Variants in CFAP58 observed in about 807,000 individuals in gnomAD.
CFAP58 encodes the protein cilia- and flagella-associated protein 58.
CFAP58 carries 88 observed loss-of-function variants against 119.5 expected under a neutral mutation model. That is an observed-to-expected ratio of 0.74 (90% CI 0.62 to 0.88). CFAP58 has a LOEUF of 0.88. Ranked by LOEUF, CFAP58 falls within the 40% of genes least tolerant of loss-of-function variation. The pLI is 0.00. For synonymous variants in CFAP58, 365 were observed against 366.3 expected (o/e 1.00, Z 0.04); for missense variants, 990 against 1,021.2 (o/e 0.97, Z 0.42).
chr10:104,367,879 C>T (rs1185784928), intron 5 of CFAP58, among the ~76,000 whole-genome samples: 1 of 152,196 alleles, frequency 6.6e-6, no homozygotes, highest in Non-Finnish European at 1.5e-5. Flanking sequence ...GCTGACACTG[C>T]ACTCAAGCAG....
intron 8 of CFAP58, among the ~76,000 whole-genome samples, chr10:104,379,210 T>C (rs2011732105): frequency 6.6e-6 from 1 of 152,090 alleles, no homozygotes; most frequent in Admixed American, 6.5e-5. Context: ...CGAATCTTCT[T>C]TCAGTTTTTA....
chr10:104,358,720 A>T, intron 2 of CFAP58, 98 bp downstream of exon 2: 1 of 1,064,488 alleles, frequency 9.4e-7, no homozygotes, highest in South Asian at 1.8e-5. Flanking sequence ...GTTATTAGGT[A>T]AAAATTTACA....
chr10:104,439,610 TAGG>T lies in CFAP58; in HGVS notation c.2257-8083_2257-8081del, dbSNP rs2013001257. Among the ~76,000 whole-genome samples the T allele has an allele frequency of 3.3e-5, 5 of 152,146 alleles. No homozygotes were observed. In the South Asian group the frequency reaches 1.0e-3, roughly 32 times the overall value. On this transcript the variant is annotated intron_variant, in intron 15 of 17. Coordinates refer to ENST00000369704, the MANE Select transcript of CFAP58 (RefSeq NM_001008723.2). ...TTCATTTCATTTTGGGAGGCTGAAG[TAGG>T]AGGATTGCTTGAGCCCAGGAGGTCA...
chr10:104,364,427 A>AACACACACACAC (rs66757511), intron 3 of CFAP58, among the ~76,000 whole-genome samples: 4 of 142,146 alleles, frequency 2.8e-5, no homozygotes, highest in African/African-American at 1.0e-4. Context: ...ATGTCTGTAA[A>AACACACACACAC]ACACACACAC....
chr10:104,366,031 CA>C, intron 5 of CFAP58, 23 bp downstream of exon 5: 2 of 1,533,352 alleles, frequency 1.3e-6, no homozygotes, highest in Non-Finnish European at 1.7e-6. Context: ...TGGGTCTTCG[CA>C]AAAAACCAAG....
chr10:104,344,864 G>GAAAAGAGGCATGGTGGCTC, the CFAP58 span, among the ~76,000 whole-genome samples: 6 of 152,008 alleles, frequency 3.9e-5, no homozygotes, highest in African/African-American at 7.3e-5. Flanking sequence ...CTAACAGGCA[G>GAAAAGAGGCATGGTGGCTC]AAAAGAGGCA....
the CFAP58 span, among the ~76,000 whole-genome samples, chr10:104,345,874 C>T: frequency 1.3e-5 from 2 of 151,992 alleles, no homozygotes; most frequent in Non-Finnish European, 2.9e-5. Context: ...AAGCATTGGC[C>T]CATCATCAAA....
intron 1 of CFAP58, among the ~76,000 whole-genome samples, chr10:104,354,277 G>A (rs2014510321): frequency 6.6e-6 from 1 of 152,082 alleles, no homozygotes; most frequent in Non-Finnish European, 1.5e-5. Context: ...AGGGGAAACC[G>A]GGAAGAAAGC....
At chr10:104,400,130 G>A (rs1463876868) in intron 12 of CFAP58, among the ~76,000 whole-genome samples, 1 of 152,056 alleles carries the variant, frequency 6.6e-6, no homozygotes, top group African/African-American at 2.4e-5. Flanking sequence ...ATGGGCTACA[G>A]ATTATTAGAT....
rs376386860 is a variant in CFAP58 at position 104,454,444 on chromosome 10, G to GTC, written c.2533_2534insTC (p.Asp845ValfsTer6). On this transcript the variant is annotated frameshift_variant, in exon 18 of 18. Coordinates refer to ENST00000369704, the MANE Select transcript of CFAP58 (RefSeq NM_001008723.2). LOFTEE classifies it high-confidence loss of function. ...CAGAAACAAGGACACAGCACCCATGGATAACACCTTCTTAATGGTCAAACC... is the reference window on the plus strand; with the variant it reads ...CAGAAACAAGGACACAGCACCCATGGTCATAACACCTTCTTAATGGTCAAACC... 1.7e-4 allele frequency: 282 copies of GTC among 1,613,726 alleles called. No homozygotes were observed. The African/African-American group carries it at 2.8e-3, about 16-fold the overall frequency.
chr10:104,425,742 TG>T (rs1218356386), intron 15 of CFAP58, among the ~76,000 whole-genome samples: 1 of 152,182 alleles, frequency 6.6e-6, no homozygotes, highest in African/African-American at 2.4e-5. Flanking sequence ...GTTGGTTGGC[TG>T]TCCAGGCCTA....
intron 14 of CFAP58, among the ~76,000 whole-genome samples, chr10:104,404,914 T>A (rs1358481472): frequency 3.3e-5 from 5 of 152,104 alleles, no homozygotes; most frequent in Non-Finnish European, 2.9e-5. Context: ...TTCATTTTAA[T>A]TTTTTTTCTT....
Position 104,376,898 on chromosome 10 carries a change from G to GT in CFAP58, c.1173+6dup, listed in dbSNP as rs2011682432. ...GAAAGGGACATACTAAATAAGGTGA[G>GT]TGTGTTACAGTCACACTGGTAAATA... is the stretch of plus-strand genomic sequence containing the variant. On this transcript the variant is annotated splice_donor_region_variant and intron_variant, in intron 8 of 17. Coordinates refer to ENST00000369704, the MANE Select transcript of CFAP58 (RefSeq NM_001008723.2). 1.3e-5 allele frequency: 21 copies of GT among 1,590,748 alleles called. No individual in the cohort carries two copies. Among genetic ancestry groups the GT allele is most frequent in the Non-Finnish European group, 1.8e-5 (21 of 1,159,124 alleles).
At chr10:104,352,393 G>A (rs2014470564), upstream of CFAP58, among the ~76,000 whole-genome samples, 1 of 152,290 alleles carries the variant, frequency 6.6e-6, no homozygotes, top group South Asian at 2.1e-4. Flanking sequence ...GGCCAGATGA[G>A]TTTGAAAATA....
chr10:104,428,426 A>G (rs1161965634), intron 15 of CFAP58, among the ~76,000 whole-genome samples: 2 of 152,216 alleles, frequency 1.3e-5, no homozygotes, highest in Admixed American at 6.5e-5. Context: ...AAATGTAAAA[A>G]CACACATGTA....
In CFAP58 at chr10:104,438,361, G is replaced by GT. The variant is rs1335704197; in HGVS notation, c.2257-9325dup. Among the ~76,000 whole-genome samples, 294 of 59,272 alleles carry GT rather than the reference G, an allele frequency of 5.0e-3. 5 individuals are homozygous for GT. Among genetic ancestry groups the GT allele is most frequent in the Admixed American group, 6.6e-3 (49 of 7,400 alleles). 38.9% of individuals were successfully genotyped at this position (59,272 alleles called of 152,430 possible). On this transcript the variant is annotated intron_variant, in intron 15 of 17. Coordinates refer to ENST00000369704, the MANE Select transcript of CFAP58 (RefSeq NM_001008723.2). ...TTTTTGTTTTTTGTTTTTTTTTTTT[G>GT]TTTTTTTTTTTTGTTTTTTTTTTTT...
intron 8 of CFAP58, 118 bp downstream of exon 8, chr10:104,377,011 A>C (rs1473512609): frequency 4.3e-6 from 3 of 690,498 alleles, no homozygotes; most frequent in Non-Finnish European, 4.9e-6. Context: ...GGATTAGAAT[A>C]AATAATAGTG....
intron 15 of CFAP58, among the ~76,000 whole-genome samples, chr10:104,429,894 C>G (rs568542304): frequency 2.6e-5 from 4 of 151,650 alleles, no homozygotes; most frequent in South Asian, 2.1e-4. Flanking sequence ...CCCACAGCCT[C>G]TCCTCTTTTG....
intron 15 of CFAP58, among the ~76,000 whole-genome samples, chr10:104,407,467 G>A (rs566528794): frequency 3.3e-4 from 50 of 152,292 alleles, no homozygotes; most frequent in African/African-American, 1.2e-3. Context: ...TAGTGTGGAT[G>A]AGAATGTCAG....
Sources: gnomAD v4.1 joint callset for allele counts (sites outside exome capture counted in the v4.1 genomes callset) on GRCh38, gnomAD v4.1.1 for gene constraint, MANE v1.5 for transcripts, NCBI Gene and HGNC (gene_info 2026-07-23, HGNC 2026-07-21) for gene names.